Variants in NAV3 observed in about 807,000 individuals in gnomAD.
NAV3 encodes pore membrane and/or filament interacting like protein 1.
A neutral mutation model predicts 244.7 loss-of-function variants in NAV3; 87 were observed. The ratio of observed to expected loss-of-function variants is 0.36; its 90% CI spans 0.30 to 0.42. NAV3 has a LOEUF of 0.42. NAV3 is among the 20% of genes least tolerant of loss of function. The pLI is 1.00. For synonymous variants in NAV3, 1,126 were observed against 1,042.2 expected (o/e 1.08, Z -1.55); for missense variants, 2,663 against 2,893.3 (o/e 0.92, Z 1.83).
chr12:77,819,255 C>T (rs1872637753), intron 2 of NAV3, among the ~76,000 whole-genome samples: 1 of 151,840 alleles, frequency 6.6e-6, no homozygotes, highest in Non-Finnish European at 1.5e-5. Context: ...CACGTTTACC[C>T]TTCACTCATC....
At chr12:77,718,277 A>AT (rs1482345720) in intron 2 of NAV3, among the ~76,000 whole-genome samples, 3 of 152,112 alleles carry the variant, frequency 2.0e-5, no homozygotes, top group Non-Finnish European at 2.9e-5. Context: ...CTCAAATTTT[A>AT]TTTTTTTGCA....
intron 2 of NAV3, among the ~76,000 whole-genome samples, chr12:77,731,690 G>A (rs1317178431): frequency 6.6e-6 from 1 of 151,912 alleles, no homozygotes; most frequent in Non-Finnish European, 1.5e-5. Flanking sequence ...GAGTTAAAAT[G>A]GTGGCCTTTC....
At chr12:77,905,756 G>A (rs544349421) in intron 1 of NAV3, among the ~76,000 whole-genome samples, 12 of 152,172 alleles carry the variant, frequency 7.9e-5, no homozygotes, top group African/African-American at 2.4e-4. Flanking sequence ...TTACTAAAAC[G>A]TGTATTAAAT....
chr12:78,092,503 T>C (rs958673631), intron 12 of NAV3, among the ~76,000 whole-genome samples: 6 of 136,882 alleles, frequency 4.4e-5, no homozygotes, highest in East Asian at 2.1e-4. Context: ...TTTTTTTTTT[T>C]TTTTTTTTTT....
At chr12:77,641,175 C>A (rs1039404848) in intron 2 of NAV3, among the ~76,000 whole-genome samples, 3 of 151,906 alleles carry the variant, frequency 2.0e-5, no homozygotes, top group Admixed American at 2.0e-4. Flanking sequence ...TGATCAAAAT[C>A]TTTTTTTCTC....
chr12:77,992,096 T>C (rs899633668), intron 5 of NAV3, among the ~76,000 whole-genome samples: 1 of 152,140 alleles, frequency 6.6e-6, no homozygotes, highest in African/African-American at 2.4e-5. Flanking sequence ...ATCAGCTGCA[T>C]GTTTTAGAAA....
At chr12:77,620,696 A>T (rs1179451854) in intron 2 of NAV3, among the ~76,000 whole-genome samples, 1 of 152,088 alleles carries the variant, frequency 6.6e-6, no homozygotes, top group Non-Finnish European at 1.5e-5. Flanking sequence ...GCCTGACCTC[A>T]GGTGATCCAC....
At chr12:78,082,169 G>A (rs1242093677) in intron 12 of NAV3, among the ~76,000 whole-genome samples, 1 of 152,130 alleles carries the variant, frequency 6.6e-6, no homozygotes, top group Non-Finnish European at 1.5e-5. Context: ...GCTCCTCCTT[G>A]CTTTCTTCCA....
intron 2 of NAV3, chr12:77,783,389 G>C (rs1312466811): frequency 6.6e-6 from 1 of 152,002 alleles, no homozygotes; most frequent in East Asian, 1.9e-4. Flanking sequence ...CACAAGATGT[G>C]CTGGAAATAT....
In NAV3 at chr12:77,968,637, A is replaced by C. The variant is rs1892718581; in HGVS notation, c.606A>C (p.Arg202=). ...AGTCCTTGGTGGAACTTCAGCAGCG[A>C]GTTACTCACGCTTCCCCTCCATCGG... The part of the protein sequence containing the change: ...YYQSLVELQQ[R]VTHASPPSEA... Residue 202 remains arginine (R), a synonymous_variant, in exon 5 of 40, where the codon CGA becomes CGC. Coordinates refer to ENST00000397909, the MANE Select transcript of NAV3 (RefSeq NM_001024383.2). 1 of 1,614,116 alleles carries C rather than the reference A, an allele frequency of 6.2e-7. No individual in the cohort carries two copies. Among genetic ancestry groups the C allele is most frequent in the African/African-American group, 1.3e-5 (1 of 75,050 alleles).
chr12:78,172,365 C>G (rs1399868071), intron 24 of NAV3, among the ~76,000 whole-genome samples: 5 of 151,444 alleles, frequency 3.3e-5, no homozygotes, highest in Admixed American at 2.6e-4. Flanking sequence ...ATACCACATG[C>G]CATATGCTTG....
intron 7 of NAV3, among the ~76,000 whole-genome samples, chr12:78,004,933 T>C (rs1873939181): frequency 6.6e-6 from 1 of 152,200 alleles, no homozygotes; most frequent in Non-Finnish European, 1.5e-5. Context: ...TGTTTCAGTT[T>C]TGGGTGCAGT....
At chr12:77,578,916 A>G (rs1869221050) in intron 2 of NAV3, among the ~76,000 whole-genome samples, 1 of 149,992 alleles carries the variant, frequency 6.7e-6, no homozygotes. Flanking sequence ...AAAAAAAAAG[A>G]CACAATTAGG....
intron 2 of NAV3, among the ~76,000 whole-genome samples, chr12:77,710,185 T>G (rs1876039287): frequency 6.6e-6 from 1 of 152,164 alleles, no homozygotes; most frequent in African/African-American, 2.4e-5. Context: ...CATAACAAAC[T>G]TCAAATCATT....
At chr12:78,023,572 A>G (rs1426384711) in intron 9 of NAV3, among the ~76,000 whole-genome samples, 2 of 152,210 alleles carry the variant, frequency 1.3e-5, no homozygotes, top group East Asian at 3.8e-4. Flanking sequence ...GACTTGTCTA[A>G]TTATGTCAAT....
intron 2 of NAV3, among the ~76,000 whole-genome samples, chr12:77,752,674 C>CT (rs1383887543): frequency 6.6e-6 from 1 of 152,104 alleles, no homozygotes; most frequent in Non-Finnish European, 1.5e-5. Flanking sequence ...CTCACTGAGC[C>CT]TTTTTTTCCT....
At chr12:78,017,500 A>G (rs994493723) in intron 8 of NAV3, among the ~76,000 whole-genome samples, 4 of 152,162 alleles carry the variant, frequency 2.6e-5, no homozygotes, top group African/African-American at 4.8e-5. Context: ...TAGTTTCAAT[A>G]GTTACTCATA....
At chr12:77,886,906 AT>A (rs1321891671) in intron 1 of NAV3, among the ~76,000 whole-genome samples, 1 of 152,098 alleles carries the variant, frequency 6.6e-6, no homozygotes, top group African/African-American at 2.4e-5. Context: ...AATTGTTTTC[AT>A]TTAATGTAGT....
At chr12:77,861,889 A>G (rs1879308626) in intron 1 of NAV3, among the ~76,000 whole-genome samples, 1 of 151,908 alleles carries the variant, frequency 6.6e-6, no homozygotes, top group Non-Finnish European at 1.5e-5. Context: ...CCGCAATGCT[A>G]AAATCAATGT....
Sources: allele counts gnomAD v4.1 joint callset (sites outside exome capture counted in the v4.1 genomes callset), GRCh38; gene constraint gnomAD v4.1.1; transcripts MANE v1.5; gene names NCBI Gene and HGNC (gene_info 2026-07-23, HGNC 2026-07-21).